Variants in STARD10 observed in about 807,000 individuals in gnomAD.
STARD10 encodes the protein StAR related lipid transfer domain containing 10.
STARD10 carries 24 observed loss-of-function variants against 36.0 expected under a neutral mutation model. That is an observed-to-expected ratio of 0.67 (90% confidence interval 0.48 to 0.94). The LOEUF (loss-of-function observed/expected upper bound fraction) is 0.94, where lower values mean the gene tolerates loss of function less well. Ranked by LOEUF, STARD10 falls within the 40% of genes least tolerant of loss-of-function variation. The pLI is 0.00. For missense variants in STARD10, 335 were observed against 396.6 expected (o/e 0.84, Z 1.32); for synonymous variants, 156 against 161.9 (o/e 0.96, Z 0.28).
chr11:72,777,719 T>C (rs1199112162), intron 2 of STARD10, among the ~76,000 whole-genome samples: 2 of 152,240 alleles, frequency 1.3e-5, no homozygotes, highest in African/African-American at 2.4e-5. Flanking sequence ...CAACAGCCCC[T>C]TTCTCTTTGT....
At chr11:72,764,404 T>A (rs1858759522) in intron 2 of STARD10, among the ~76,000 whole-genome samples, 1 of 152,214 alleles carries the variant, frequency 6.6e-6, no homozygotes, top group South Asian at 2.1e-4. Context: ...CTTTATCTCA[T>A]AAAGAGAAAC....
At chr11:72,778,458 G>A (rs1858953736) in intron 2 of STARD10, among the ~76,000 whole-genome samples, 3 of 152,208 alleles carry the variant, frequency 2.0e-5, no homozygotes, top group Admixed American at 2.0e-4. Context: ...TCTTGGGGAT[G>A]GGAAGCTCAC....
chr11:72,781,432 G>C lies in STARD10; in HGVS notation c.-113-138C>G, dbSNP rs1031838886. ...GCGGACGGGCGCTGGACAGCCTCGG[G>C]GTCCCCCTCCCGAGGAGCGCCCCAG... is the stretch of plus-strand genomic sequence containing the variant. On this transcript the variant is annotated intron_variant, in intron 1 of 6. Coordinates refer to ENST00000334805, the MANE Select transcript of STARD10 (RefSeq NM_006645.3). This position sits in a 1 kb window ranked among gnomAD's most constrained non-coding sequence, Gnocchi z 4.7. 13 of 528,938 alleles carry C rather than the reference G, an allele frequency of 2.5e-5. No individual in the cohort carries two copies. Among genetic ancestry groups the C allele is most frequent in the African/African-American group, 1.9e-5 (1 of 52,216 alleles). 32.8% of individuals were successfully genotyped at this position (528,938 alleles called of 1,614,324 possible). A position where few individuals can be genotyped will look rare whatever the true frequency, so the allele number is the denominator to read the frequency against.
In STARD10 at chr11:72,793,551, T is replaced by G. The variant is rs762670113; in HGVS notation, c.-790A>C. ...TGTCCCATTTGTAAAAGGACTGTTG[T>G]GAGGACTGAATTAGGAGAGGCGATG... On this transcript the variant is annotated 5_prime_UTR_variant, in exon 1 of 7. Coordinates refer to ENST00000334805, the MANE Select transcript of STARD10 (RefSeq NM_006645.3). 6.6e-6 allele frequency: 1 copy of G among 152,246 alleles called. No homozygotes were observed. The highest frequency in any genetic ancestry group is 6.5e-5 in the Admixed American group (1 of 15,286). 9.4% of individuals were successfully genotyped at this position (152,246 alleles called of 1,614,324 possible). A position where few individuals can be genotyped will look rare whatever the true frequency, so the allele number is the denominator to read the frequency against.
At chr11:72,776,912 G>T (rs908249375) in intron 2 of STARD10, among the ~76,000 whole-genome samples, 2 of 152,072 alleles carry the variant, frequency 1.3e-5, no homozygotes, top group African/African-American at 2.4e-5. Flanking sequence ...GGGAGGGGCC[G>T]CCTGAGCTTT....
intron 2 of STARD10, among the ~76,000 whole-genome samples, chr11:72,772,596 T>C (rs1802672848): frequency 6.6e-6 from 1 of 152,156 alleles, no homozygotes; most frequent in Non-Finnish European, 1.5e-5. Context: ...CCAGGGAGCT[T>C]TTTAAAACCC....
chr11:72,780,062 G>T, intron 2 of STARD10: 1 of 356,010 alleles, frequency 2.8e-6, no homozygotes, highest in Admixed American at 3.3e-5. Flanking sequence ...ACAGCCTATT[G>T]CCAGAGCCCA....
intron 6 of STARD10, 34 bp downstream of exon 6, chr11:72,755,667 C>T: frequency 2.5e-6 from 4 of 1,612,194 alleles, no homozygotes; most frequent in Non-Finnish European, 1.7e-6. Context: ...TTCCAGTCTT[C>T]AACACCCCTC....
chr11:72,788,139 G>GGGAGATCGCATGGCCTCAC, intron 1 of STARD10, among the ~76,000 whole-genome samples: 1 of 152,298 alleles, frequency 6.6e-6, no homozygotes, highest in South Asian at 2.1e-4. Context: ...CATGGCCTCA[G>GGGAGATCGCATGGCCTCAC]GTATAGACCA....
chr11:72,772,409 T>G (rs972998297), intron 2 of STARD10, among the ~76,000 whole-genome samples: 1 of 152,184 alleles, frequency 6.6e-6, no homozygotes, highest in African/African-American at 2.4e-5. Flanking sequence ...AGCGTTGTCA[T>G]AGTGGGCATG....
In STARD10 at chr11:72,754,941, C is replaced by T. The variant is rs748883672; in HGVS notation, c.832G>A (p.Gly278Ser). Reference protein sequence around the residue: ...VAESREERMGGAGGEGSDDDT... With the variant: ...VAESREERMGSAGGEGSDDDT... ...TCGTCGCTGCCCTCGCCGCCCGCGCCGCCCATCCGCTCCTCTCTGCTCTCG... is the reference window on the plus strand; with the variant it reads ...TCGTCGCTGCCCTCGCCGCCCGCGCTGCCCATCCGCTCCTCTCTGCTCTCG... Residue 278 changes from glycine to serine, a missense_variant, in exon 7 of 7, where the codon GGC (glycine) becomes AGC (serine). Coordinates refer to ENST00000334805, the MANE Select transcript of STARD10 (RefSeq NM_006645.3). The T allele has an allele frequency of 1.2e-6, 2 of 1,604,424 alleles. No individual in the cohort carries two copies. The highest frequency in any genetic ancestry group is 2.2e-5 in the East Asian group (1 of 44,612).
intron 2 of STARD10, among the ~76,000 whole-genome samples, chr11:72,769,921 C>A (rs1221744310): frequency 2.0e-5 from 3 of 152,086 alleles, no homozygotes; most frequent in Non-Finnish European, 4.4e-5. Context: ...CCTTCAGAAC[C>A]CAGACAGGCC....
At chr11:72,758,688 G>A in intron 3 of STARD10, 55 bp from the exon 4 acceptor site, 1 of 1,378,608 alleles carries the variant, frequency 7.3e-7, no homozygotes, top group Non-Finnish European at 1.0e-6. Flanking sequence ...GCCTACAAGG[G>A]AGGGTGTGGC....
chr11:72,758,326 G>A (rs1457387199), intron 4 of STARD10, among the ~76,000 whole-genome samples: 1 of 152,200 alleles, frequency 6.6e-6, no homozygotes, highest in African/African-American at 2.4e-5. Flanking sequence ...ACTTGCCACA[G>A]AGGTGGCCAC....
At chr11:72,780,829 CTG>C (rs1858983753) in intron 2 of STARD10, 144 bp downstream of exon 2, 2 of 843,566 alleles carry the variant, frequency 2.4e-6, no homozygotes, top group South Asian at 1.6e-5. Context: ...GCCCAGCAGA[CTG>C]TGTCTCCTCC....
At position 72,754,958 on chromosome 11, in the gene STARD10, C is replaced by CT. The variant is rs1235778690; in HGVS notation, c.814dup (p.Arg272LysfsTer?). Reference sequence around the variant, plus strand: ...GCCCGCGCCGCCCATCCGCTCCTCTCTGCTCTCGGCCACCGCGCTCTCGTC... The same window carrying CT: ...GCCCGCGCCGCCCATCCGCTCCTCTCTTGCTCTCGGCCACCGCGCTCTCGTC... On this transcript the variant is annotated frameshift_variant, in exon 7 of 7. Coordinates refer to ENST00000334805, the MANE Select transcript of STARD10 (RefSeq NM_006645.3). LOFTEE classifies it high-confidence loss of function. 1 of 1,608,958 alleles carries CT rather than the reference C, an allele frequency of 6.2e-7. No homozygotes were observed. Among genetic ancestry groups the CT allele is most frequent in the South Asian group, 1.1e-5 (1 of 90,604 alleles).
chr11:72,780,927 A>G, intron 2 of STARD10, 48 bp downstream of exon 2: 1 of 1,582,646 alleles, frequency 6.3e-7, no homozygotes. Flanking sequence ...TCCGGGAGAG[A>G]GGCAGTAAGG....
At chr11:72,759,093 G>A in intron 3 of STARD10, 141 bp downstream of exon 3, 1 of 958,352 alleles carries the variant, frequency 1.0e-6, no homozygotes, top group East Asian at 2.6e-5. Context: ...GACAGGGAGG[G>A]CAGCTCTATC....
intron 2 of STARD10, among the ~76,000 whole-genome samples, chr11:72,766,801 G>A (rs1301499108): frequency 2.0e-5 from 3 of 152,172 alleles, no homozygotes; most frequent in African/African-American, 7.2e-5. Flanking sequence ...AGAGCCAAAG[G>A]CCCAGGCAGT....
Sources: allele counts gnomAD v4.1 joint callset (sites outside exome capture counted in the v4.1 genomes callset), GRCh38; gene constraint gnomAD v4.1.1; non-coding constraint Gnocchi (gnomAD v3.1); transcripts MANE v1.5; gene names NCBI Gene and HGNC (gene_info 2026-07-23, HGNC 2026-07-21).